HHAT: variants seen among roughly 807,000 people sequenced by gnomAD.
The protein encoded by HHAT is protein-cysteine N-palmitoyltransferase HHAT.
HHAT carries 47 observed loss-of-function variants against 70.8 expected under a neutral mutation model. The ratio of observed to expected loss-of-function variants is 0.66; its 90% CI spans 0.53 to 0.85. The LOEUF is 0.85. Ranked by LOEUF, HHAT falls within the 40% of genes least tolerant of loss-of-function variation. The pLI is 0.00. For synonymous variants in HHAT, 228 were observed against 247.6 expected, an observed-to-expected ratio of 0.92 and a Z score of 0.74; for missense variants, 609 against 604.8, an observed-to-expected ratio of 1.01 and a Z score of -0.07.
At chr1:210,630,131 G>A (rs1174191617) in intron 11 of HHAT, among the ~76,000 whole-genome samples, 4 of 152,132 alleles carry the variant, frequency 2.6e-5, no homozygotes, top group South Asian at 2.1e-4. Context: ...GTGAGCCACC[G>A]CACCTGGCCT....
chr1:210,570,168 C>A (rs899889198), intron 9 of HHAT, among the ~76,000 whole-genome samples: 1 of 152,176 alleles, frequency 6.6e-6, no homozygotes, highest in African/African-American at 2.4e-5. Context: ...AGACATTTTA[C>A]CTTAGCACTG....
At chr1:210,406,838 G>C (rs188299875) in intron 6 of HHAT, among the ~76,000 whole-genome samples, 9 of 152,132 alleles carry the variant, frequency 5.9e-5, no homozygotes, top group Non-Finnish European at 1.3e-4. Context: ...GGGAAGTGAA[G>C]GGGCAGGTTG....
At chr1:210,673,588 C>CT (rs71571962) in intron 11 of HHAT, among the ~76,000 whole-genome samples, 9 of 140,912 alleles carry the variant, frequency 6.4e-5, no homozygotes, top group South Asian at 2.3e-4. Flanking sequence ...GTGGATTCTT[C>CT]TTTTTTTTTT....
intron 10 of HHAT, among the ~76,000 whole-genome samples, chr1:210,601,422 C>A (rs748293944): frequency 6.6e-6 from 1 of 152,106 alleles, no homozygotes; most frequent in South Asian, 2.1e-4. Flanking sequence ...GGTAATGGCT[C>A]ATGGCCTTCT....
At chr1:210,467,894 G>A (rs554480927) in intron 8 of HHAT, among the ~76,000 whole-genome samples, 18 of 152,228 alleles carry the variant, frequency 1.2e-4, no homozygotes, top group South Asian at 6.2e-4. Flanking sequence ...GCAGCCTGCC[G>A]TATCAGAGGA....
At chr1:210,353,227 C>T (rs977416435) in intron 2 of HHAT, among the ~76,000 whole-genome samples, 12 of 151,968 alleles carry the variant, frequency 7.9e-5, no homozygotes, top group Middle Eastern at 3.2e-3. Context: ...TGAGCCACCA[C>T]GCCCGGCCCC....
intron 3 of HHAT, among the ~76,000 whole-genome samples, chr1:210,380,021 A>T (rs1287854274): frequency 1.3e-5 from 2 of 152,304 alleles, no homozygotes; most frequent in South Asian, 2.1e-4. Flanking sequence ...CAGATACCGG[A>T]TGCTCCACTT....
At chr1:210,525,958 G>A (rs578162043) in intron 9 of HHAT, among the ~76,000 whole-genome samples, 9 of 152,250 alleles carry the variant, frequency 5.9e-5, no homozygotes, top group Admixed American at 2.6e-4. Flanking sequence ...TTCCTAATGC[G>A]TGCGCGATCT....
chr1:210,481,342 G>A (rs34064091), intron 8 of HHAT, among the ~76,000 whole-genome samples: 26,902 of 152,090 alleles, frequency 0.18, 2,956 homozygotes, highest in Admixed American at 0.31. Flanking sequence ...ACCATATGTA[G>A]TCAATTCATT....
chr1:210,673,209 A>G (rs376931803), intron 11 of HHAT, among the ~76,000 whole-genome samples: 3 of 152,154 alleles, frequency 2.0e-5, no homozygotes, highest in South Asian at 4.2e-4. Flanking sequence ...GCATGTCTCT[A>G]TCCCACCCCT....
chr1:210,649,472 G>A (rs1386921775), intron 11 of HHAT, among the ~76,000 whole-genome samples: 1 of 152,242 alleles, frequency 6.6e-6, no homozygotes, highest in East Asian at 1.9e-4. Context: ...GCAGTGATTG[G>A]TAGTGTTGGG....
At chr1:210,407,031 G>C (rs752055194) in intron 6 of HHAT, among the ~76,000 whole-genome samples, 2 of 152,158 alleles carry the variant, frequency 1.3e-5, no homozygotes, top group Non-Finnish European at 2.9e-5. Flanking sequence ...TCTAGAAAAG[G>C]ATAAATGTTC....
intron 9 of HHAT, among the ~76,000 whole-genome samples, chr1:210,527,024 C>T (rs573482378): frequency 6.6e-6 from 1 of 152,194 alleles, no homozygotes; most frequent in Admixed American, 6.5e-5. Flanking sequence ...CCTGAGTGAT[C>T]AGAGGATCTT....
In HHAT at chr1:210,587,885, C is replaced by T; in HGVS notation, c.1044-13C>T. The stretch of plus-strand genomic sequence containing the variant: ...CCCTCTGTATGTCTCCTAACAGCCT[C>T]TTCTTTCTCTAGGTATGTGTACATT... On this transcript the variant is annotated splice_polypyrimidine_tract_variant and intron_variant, in intron 9 of 11. Coordinates refer to ENST00000261458, the MANE Select transcript of HHAT (RefSeq NM_018194.6). The T allele has an allele frequency of 6.2e-7, 1 of 1,611,496 alleles. No homozygotes were observed. Among genetic ancestry groups the T allele is most frequent in the Middle Eastern group, 1.7e-4 (1 of 6,056 alleles).
At chr1:210,416,041 G>A (rs912765339) in intron 6 of HHAT, among the ~76,000 whole-genome samples, 1 of 152,224 alleles carries the variant, frequency 6.6e-6, no homozygotes, top group Non-Finnish European at 1.5e-5. Context: ...AAAGCTGTTT[G>A]TGCAGATGAT....
chr1:210,560,814 T>TAAAAAAAAAA (rs60192211), intron 9 of HHAT, among the ~76,000 whole-genome samples: 7 of 28,514 alleles, frequency 2.5e-4, no homozygotes, highest in Non-Finnish European at 6.7e-4. Context: ...CCCTGTGTCT[T>TAAAAAAAAAA]AAAAAAAAAA....
chr1:210,543,111 C>T (rs747329209), intron 9 of HHAT, among the ~76,000 whole-genome samples: 2 of 151,910 alleles, frequency 1.3e-5, no homozygotes, highest in Middle Eastern at 3.2e-3. Flanking sequence ...GCCAAGAAAG[C>T]GAAAACACAT....
rs1392289916 is a variant in HHAT, at chr1:210,502,021, CTTCTT to C, written c.1008-11129_1008-11125del. Among the ~76,000 whole-genome samples the C allele has an allele frequency of 4.1e-4, 34 of 83,296 alleles. No individual in the cohort carries two copies. In the East Asian group the frequency reaches 9.0e-3, roughly 22 times the overall value. 54.6% of individuals were successfully genotyped at this position (83,296 alleles called of 152,430 possible). On this transcript the variant is annotated intron_variant, in intron 8 of 11. Coordinates refer to ENST00000261458, the MANE Select transcript of HHAT (RefSeq NM_018194.6). ...TATATTTTAGGTCTCCTCTATTCTT[CTTCTT>C]TTTTTTTTTTTTTAAGTGGAATGTT...
intron 5 of HHAT, among the ~76,000 whole-genome samples, chr1:210,403,164 G>A (rs2092160501): frequency 6.6e-6 from 1 of 152,138 alleles, no homozygotes. Flanking sequence ...TGTGGGGCTA[G>A]CATTTTAAGC....
Sources: gnomAD v4.1 joint callset for allele counts (sites outside exome capture counted in the v4.1 genomes callset) on GRCh38, gnomAD v4.1.1 for gene constraint, MANE v1.5 for transcripts, NCBI Gene and HGNC (gene_info 2026-07-23, HGNC 2026-07-21) for gene names.